Variants in SEL1L2 observed in about 807,000 individuals in gnomAD.
SEL1L2 encodes protein sel-1 homolog 2.
A neutral mutation model predicts 98.8 loss-of-function variants in SEL1L2; 89 were observed. The ratio of observed to expected loss-of-function variants is 0.90; its 90% CI spans 0.76 to 1.07. The LOEUF (loss-of-function observed/expected upper bound fraction) is 1.07. Among genes scored for constraint, SEL1L2 ranks in the 50% least tolerant of loss-of-function variants. The pLI, the probability that SEL1L2 is intolerant of heterozygous loss-of-function variation, is 0.00. For missense variants in SEL1L2, 788 were observed against 812.0 expected, an observed-to-expected ratio of 0.97 and a Z score of 0.36; for synonymous variants, 262 against 278.5, an observed-to-expected ratio of 0.94 and a Z score of 0.59.
At chr20:13,918,404 G>T (rs1192275236) in intron 4 of SEL1L2, among the ~76,000 whole-genome samples, 1 of 152,136 alleles carries the variant, frequency 6.6e-6, no homozygotes, top group East Asian at 1.9e-4. Flanking sequence ...AGATATTTCT[G>T]CCTCCCCTTT....
intron 3 of SEL1L2, among the ~76,000 whole-genome samples, chr20:13,926,186 G>A (rs2048890768): frequency 1.3e-5 from 2 of 152,202 alleles, no homozygotes; most frequent in Non-Finnish European, 2.9e-5. Flanking sequence ...CGTGGTGCAG[G>A]CGCCCGTAGT....
intron 1 of SEL1L2, among the ~76,000 whole-genome samples, chr20:13,963,675 C>T (rs565634894): frequency 3.3e-5 from 5 of 151,890 alleles, no homozygotes; most frequent in Admixed American, 6.6e-5. Context: ...GAGATTGAAC[C>T]GCTGTACTCC....
intron 1 of SEL1L2, 88 bp from the exon 2 acceptor site, chr20:13,956,219 T>A: frequency 1.5e-6 from 1 of 680,756 alleles, no homozygotes; most frequent in Non-Finnish European, 2.4e-6. Context: ...AAAAAACTTC[T>A]AGAAAACTTT....
Position 13,869,606 on chromosome 20 carries a change from A to G in SEL1L2, c.1168-16T>C, listed in dbSNP as rs1475727436. The G allele has an allele frequency of 1.3e-6, 2 of 1,599,490 alleles. No individual in the cohort carries two copies. The highest frequency in any genetic ancestry group is 1.7e-6 in the Non-Finnish European group (2 of 1,166,914). ...CGGCATAATTCTGCAAGATAATTAC[A>G]CTCTATTACTCAAAGGCACAAGTAA... On this transcript the variant is annotated splice_polypyrimidine_tract_variant and intron_variant, in intron 13 of 19. Coordinates refer to ENST00000284951, the MANE Select transcript of SEL1L2 (RefSeq NM_025229.2).
chr20:13,916,127 A>AT (rs887969823), intron 4 of SEL1L2, among the ~76,000 whole-genome samples: 4 of 152,122 alleles, frequency 2.6e-5, no homozygotes, highest in African/African-American at 7.2e-5. Flanking sequence ...TTGTTCAGTG[A>AT]TTTTTCCTAC....
chr20:13,876,002 TG>T, intron 12 of SEL1L2, 35 bp downstream of exon 12: 3 of 1,492,034 alleles, frequency 2.0e-6, no homozygotes, highest in Non-Finnish European at 2.8e-6. Context: ...AAGCAATTTG[TG>T]TGTATGTGTT....
At chr20:13,929,418 T>C (rs1347578759) in intron 3 of SEL1L2, among the ~76,000 whole-genome samples, 1 of 151,918 alleles carries the variant, frequency 6.6e-6, no homozygotes, top group Non-Finnish European at 1.5e-5. Flanking sequence ...TTTATCCTTT[T>C]AGTTCATGCC....
intron 1 of SEL1L2, among the ~76,000 whole-genome samples, chr20:13,983,039 A>AAAAAAAAAAAAAAAAAAAAAAAAAAAC (rs2051929924): frequency 1.4e-5 from 2 of 142,472 alleles, no homozygotes; most frequent in African/African-American, 2.5e-5. Context: ...AAAAAAAAAA[A>AAAAAAAAAAAAAAAAAAAAAAAAAAAC]AAAAAAAAAG....
intron 1 of SEL1L2, among the ~76,000 whole-genome samples, chr20:13,974,535 G>A (rs534564322): frequency 7.6e-6 from 1 of 131,394 alleles, no homozygotes; most frequent in Non-Finnish European, 1.5e-5. Flanking sequence ...CTGGAGTGCA[G>A]TGGCATGATC....
At position 13,931,701 on chromosome 20, in the gene SEL1L2, T is replaced by C. The variant is rs1260840955; in HGVS notation, c.185A>G (p.Asn62Ser). 13 of 1,569,584 alleles carry C rather than the reference T, an allele frequency of 8.3e-6. No individual in the cohort carries two copies. Among genetic ancestry groups the C allele is most frequent in the Non-Finnish European group, 1.0e-5 (12 of 1,157,984 alleles). The part of the protein sequence containing the change: ...LEQRTSSNVI[N>S]KRENLLEKKK... Reference sequence around the variant, plus strand: ...TTTCTCCAGGAGATTTTCTCTTTTATTGATTACATTACTAGATGTTCTTTG... The same window carrying C: ...TTTCTCCAGGAGATTTTCTCTTTTACTGATTACATTACTAGATGTTCTTTG... Residue 62 changes from asparagine (N) to serine (S), a missense_variant, in exon 3 of 20, where the codon AAT (asparagine) becomes AGT (serine). Coordinates refer to ENST00000284951, the MANE Select transcript of SEL1L2 (RefSeq NM_025229.2).
Position 13,931,997 on chromosome 20 carries a change from C to T in SEL1L2, c.115-226G>A, listed in dbSNP as rs139693756. On this transcript the variant is annotated intron_variant, in intron 2 of 19. Coordinates refer to ENST00000284951, the MANE Select transcript of SEL1L2 (RefSeq NM_025229.2). ...TAAATCTATTATATTGTCATCTGAA[C>T]TACAGAGCCAAGCATTAAAAGCTAA... is the stretch of plus-strand genomic sequence containing the variant. Among the ~76,000 whole-genome samples the T allele has an allele frequency of 3.9e-5, 6 of 152,210 alleles. No individual in the cohort carries two copies. In the East Asian group the frequency reaches 1.2e-3, roughly 29 times the overall value.
chr20:13,894,357 C>T (rs899332076), intron 5 of SEL1L2, among the ~76,000 whole-genome samples: 12 of 152,036 alleles, frequency 7.9e-5, no homozygotes, highest in African/African-American at 2.7e-4. Flanking sequence ...GTCAGGAGTT[C>T]GAGACCAAGC....
chr20:13,874,247 T>C (rs1293417178), intron 12 of SEL1L2, among the ~76,000 whole-genome samples: 1 of 152,188 alleles, frequency 6.6e-6, no homozygotes, highest in Non-Finnish European at 1.5e-5. Context: ...AATGTGTAGC[T>C]CTGTGTCATG....
intron 10 of SEL1L2, among the ~76,000 whole-genome samples, chr20:13,883,262 C>T (rs2046799398): frequency 6.6e-6 from 1 of 152,174 alleles, no homozygotes; most frequent in Non-Finnish European, 1.5e-5. Flanking sequence ...GAATTAAACT[C>T]GTCTTCTTGG....
At chr20:13,936,076 A>C (rs2049438055) in intron 2 of SEL1L2, among the ~76,000 whole-genome samples, 1 of 152,228 alleles carries the variant, frequency 6.6e-6, no homozygotes, top group Admixed American at 6.5e-5. Context: ...TCGGAGAAAG[A>C]AGCTGTGTTT....
Position 13,859,316 on chromosome 20 carries a change from C to A in SEL1L2, c.1764G>T (p.Ala588=). 15 of 1,614,096 alleles carry A rather than the reference C, an allele frequency of 9.3e-6. No individual in the cohort carries two copies. The highest frequency in any genetic ancestry group is 1.3e-5 in the Non-Finnish European group (15 of 1,180,000). Residue 588 remains alanine, a synonymous_variant, in exon 18 of 20, where the codon GCG becomes GCT. Transcript: ENST00000284951. ...YSIAANKYHN[A]QAMFNLAYMY... Reference sequence around the variant, plus strand: ...TATAAGCCAGATTGAACATGGCTTGCGCGTTGTGGTATTTGTTGGCTGCAA... The same window carrying A: ...TATAAGCCAGATTGAACATGGCTTGAGCGTTGTGGTATTTGTTGGCTGCAA...
At chr20:13,856,455 T>C (rs948492115) in intron 18 of SEL1L2, among the ~76,000 whole-genome samples, 2 of 152,126 alleles carry the variant, frequency 1.3e-5, no homozygotes, top group Admixed American at 1.3e-4. Context: ...TCATAACAAC[T>C]TGTGTGTGAA....
intron 3 of SEL1L2, among the ~76,000 whole-genome samples, chr20:13,923,426 TTG>T (rs1408269426): frequency 1.3e-5 from 2 of 152,200 alleles, no homozygotes; most frequent in East Asian, 3.8e-4. Flanking sequence ...TTTTGTGGCC[TTG>T]TGTGTGGCCA....
intron 2 of SEL1L2, among the ~76,000 whole-genome samples, chr20:13,939,488 T>C (rs6042438): frequency 0.51 from 77,370 of 151,994 alleles, 20,207 homozygotes; most frequent in East Asian, 0.58. Flanking sequence ...CCCCTGTGGC[T>C]GCCTAGGCTG....
Sources: allele counts gnomAD v4.1 joint callset (sites outside exome capture counted in the v4.1 genomes callset), GRCh38; gene constraint gnomAD v4.1.1; transcripts MANE v1.5; gene names NCBI Gene and HGNC (gene_info 2026-07-23, HGNC 2026-07-21).